The following SLC11A1 variants were observed in gnomAD, a reference collection of about 807,000 sequenced individuals.
The protein encoded by SLC11A1 is solute carrier family 11 member 1.
Under a neutral mutation model 63.2 loss-of-function variants are expected in SLC11A1, and 59 were observed. The observed-to-expected ratio is 0.93, with a 90% confidence interval of 0.76 to 1.16. The LOEUF is 1.16. Ranked by LOEUF, SLC11A1 falls within the 50% of genes most tolerant of loss-of-function variation. The pLI is 0.00. For synonymous variants in SLC11A1, 305 were observed against 307.8 expected (o/e 0.99, Z 0.09); for missense variants, 688 against 730.7 (o/e 0.94, Z 0.67).
intron 11 of SLC11A1, chr2:218,392,228 C>T (rs1696499785): frequency 4.0e-6 from 1 of 252,432 alleles, no homozygotes; most frequent in African/African-American, 2.4e-5. Flanking sequence ...CCACACCCAG[C>T]TAATTTTGTA....
In SLC11A1 at chr2:218,395,131, A is replaced by G; in HGVS notation, c.*96A>G. On this transcript the variant is annotated 3_prime_UTR_variant, in exon 15 of 15. Coordinates refer to ENST00000233202, the MANE Select transcript of SLC11A1 (RefSeq NM_000578.4). ...TGCAGGCAGCAGGATAGAGTGGGAC[A>G]GTTCCTGAGACCAGCCAACCTGGGG... 1 of 919,632 alleles carries G rather than the reference A, an allele frequency of 1.1e-6. No homozygotes were observed. Among genetic ancestry groups the G allele is most frequent in the South Asian group, 1.5e-5 (1 of 67,194 alleles). The allele number at this position is 919,632 out of a possible 1,614,324, so 57.0% of individuals were successfully genotyped here. A position where few individuals can be genotyped will look rare whatever the true frequency, so the allele number is the denominator to read the frequency against.
chr2:218,394,427 T>G (rs1292327305), intron 13 of SLC11A1: 4 of 704,000 alleles, frequency 5.7e-6, no homozygotes, highest in Non-Finnish European at 9.3e-6. Context: ...CAGACTCAGC[T>G]CTTGCCAAAT....
Position 218,383,020 on chromosome 2 carries a change from G to A in SLC11A1, c.68G>A (p.Ser23Asn), listed in dbSNP as rs1402509899. The A allele has an allele frequency of 1.2e-6, 2 of 1,613,966 alleles. No homozygotes were observed. Among genetic ancestry groups the A allele is most frequent in the Non-Finnish European group, 1.7e-6 (2 of 1,180,022 alleles). The part of the protein sequence containing the change: ...SSYGSISSPT[S>N]PTSPGPQQAP... ...TATGGTTCCATCTCCAGCCCGACCAGCCCGACCAGCCCAGGGCCACAGCAA... is the reference window on the plus strand; with the variant it reads ...TATGGTTCCATCTCCAGCCCGACCAACCCGACCAGCCCAGGGCCACAGCAA... The change falls in exon 2 of 15, where the codon AGC becomes AAC. Residue 23 changes from serine (S) to asparagine (N), a missense_variant. Physicochemically the swap from Ser to Asn is conservative, Grantham distance 46. Transcript: ENST00000233202.
At chr2:218,390,955 A>T (rs1011216089) in intron 9 of SLC11A1, among the ~76,000 whole-genome samples, 1 of 152,172 alleles carries the variant, frequency 6.6e-6, no homozygotes, top group African/African-American at 2.4e-5. Flanking sequence ...GCTGAGGCAG[A>T]TGGCTCGCTT....
intron 11 of SLC11A1, chr2:218,392,703 T>C (rs116263755): frequency 0.012 from 4,709 of 379,864 alleles, 39 homozygotes; most frequent in African/African-American, 0.023. Context: ...AAACAGATCC[T>C]GACAGATGAG....
chr2:218,390,119 T>C (rs3816560), intron 9 of SLC11A1, 91 bp downstream of exon 9: 353,147 of 1,341,436 alleles, frequency 0.26, 48,279 homozygotes, highest in Admixed American at 0.31. Context: ...AGCTGAGCCC[T>C]TCTGAGTCTC....
chr2:218,387,332 C>A, intron 6 of SLC11A1, 102 bp downstream of exon 6: 1 of 1,181,804 alleles, frequency 8.5e-7, no homozygotes, highest in South Asian at 1.4e-5. Context: ...CCTGAGCTCC[C>A]TCACTCTCCC....
In SLC11A1 at chr2:218,383,055, A is replaced by G. The variant is rs750608283; in HGVS notation, c.103A>G (p.Arg35Gly). Residue 35 changes from arginine (R) to glycine (G), a missense_variant, in exon 2 of 15, where the codon AGA becomes GGA. By Grantham distance (125) the Arg-to-Gly change is moderately radical (BLOSUM62 -2). Transcript: ENST00000233202. ...CCCAGGGCCACAGCAAGCACCTCCC[A>G]GAGAGACCTACCTGAGTGAGAAGAT... ...TSPGPQQAPP[R>G]ETYLSEKIPI... 2 of 1,614,038 alleles carry G rather than the reference A, an allele frequency of 1.2e-6. No individual in the cohort carries two copies. The highest frequency in any genetic ancestry group is 1.7e-6 in the Non-Finnish European group (2 of 1,179,968).
At chr2:218,391,705 A>C (rs1696464928) in intron 11 of SLC11A1, 10 of 520,754 alleles carry the variant, frequency 1.9e-5, no homozygotes, top group South Asian at 2.6e-5. Flanking sequence ...GCTCACTGCA[A>C]CCTCCCCCTC....
At chr2:218,383,323 A>G (rs1695905340) in intron 2 of SLC11A1, 3 of 554,928 alleles carry the variant, frequency 5.4e-6, no homozygotes, top group Non-Finnish European at 9.6e-6. Context: ...GACTTTCTCA[A>G]TGAATCTCAG....
intron 8 of SLC11A1, among the ~76,000 whole-genome samples, chr2:218,389,531 G>T (rs886166656): frequency 2.0e-5 from 3 of 152,140 alleles, no homozygotes; most frequent in African/African-American, 4.8e-5. Context: ...TCCAGTCTGG[G>T]TGACAGAACA....
chr2:218,387,758 T>G, intron 7 of SLC11A1, 42 bp from the exon 8 acceptor site: 3 of 1,611,952 alleles, frequency 1.9e-6, no homozygotes, highest in East Asian at 2.2e-5. Context: ...GCGGCGTGGT[T>G]GCGAGGGGCG....
In SLC11A1 at chr2:218,387,921, C is replaced by G; in HGVS notation, c.761C>G (p.Pro254Arg). ...AVGIVGAIIM[P>R]HNIYLHSALV... ...GGCATTGTTGGCGCCATCATCATGC[C>G]CCACAACATCTACCTGCACTCGGCC... Residue 254 changes from proline (P) to arginine (R), a missense_variant, in exon 8 of 15, where the codon CCC becomes CGC. Coordinates refer to ENST00000233202, the MANE Select transcript of SLC11A1 (RefSeq NM_000578.4). 6.2e-7 allele frequency: 1 copy of G among 1,610,826 alleles called. No homozygotes were observed. Among genetic ancestry groups the G allele is most frequent in the East Asian group, 2.2e-5 (1 of 44,762 alleles).
chr2:218,389,821 G>A (rs1047821690), intron 8 of SLC11A1, 49 bp from the exon 9 acceptor site: 18 of 1,564,074 alleles, frequency 1.2e-5, no homozygotes, highest in Admixed American at 1.8e-5. Flanking sequence ...GGGACACTGT[G>A]GTGGCTCTGA....
Position 218,387,936 on chromosome 2 carries a change from T to C in SLC11A1, c.776T>C (p.Leu259Pro), listed in dbSNP as rs762675335. Residue 259 changes from leucine (L) to proline (P), a missense_variant, in exon 8 of 15, where the codon CTG (leucine) becomes CCG (proline). Coordinates refer to ENST00000233202, the MANE Select transcript of SLC11A1 (RefSeq NM_000578.4). ...GAIIMPHNIYLHSALVKSREI... is the reference protein window; with the variant it reads ...GAIIMPHNIYPHSALVKSREI... ...ATCATCATGCCCCACAACATCTACCTGCACTCGGCCCTGGTCAAGGTGAGC... is the reference window on the plus strand; with the variant it reads ...ATCATCATGCCCCACAACATCTACCCGCACTCGGCCCTGGTCAAGGTGAGC... 2 of 1,609,964 alleles carry C rather than the reference T, an allele frequency of 1.2e-6. No individual in the cohort carries two copies. Among genetic ancestry groups the C allele is most frequent in the Non-Finnish European group, 1.7e-6 (2 of 1,178,258 alleles).
Position 218,386,634 on chromosome 2 carries a change from G to T in SLC11A1, c.394-1G>T. On this transcript the variant is annotated splice_acceptor_variant, in intron 4 of 14. Transcript: ENST00000233202. LOFTEE classifies it high-confidence loss of function. ...AATGAAGGATCATCTCCTCCCCATA[G>T]GTGCCCCGCACCGTCCTCTGGCTGA... The T allele has an allele frequency of 6.2e-7, 1 of 1,611,668 alleles. No individual in the cohort carries two copies. The highest frequency in any genetic ancestry group is 1.3e-5 in the African/African-American group (1 of 74,958).
intron 9 of SLC11A1, 37 bp from the exon 10 acceptor site, chr2:218,391,161 T>G: frequency 6.3e-7 from 1 of 1,586,918 alleles, no homozygotes; most frequent in Non-Finnish European, 8.7e-7. Context: ...CTGAGCGTGC[T>G]CCTCACATCT....
rs1020103953 is a variant in SLC11A1, at chr2:218,384,152, T to C, written c.151-91T>C. On this transcript the variant is annotated intron_variant, in intron 2 of 14. Coordinates refer to ENST00000233202, the MANE Select transcript of SLC11A1 (RefSeq NM_000578.4). This position sits in a 1 kb window ranked among gnomAD's most constrained non-coding sequence, Gnocchi z 4.0. The stretch of plus-strand genomic sequence containing the variant: ...GAGGGCAGGGCTGGGCTGATGAGCC[T>C]GTTGGGGCTCCTCTAGGGGATGGCC... 1 of 1,384,116 alleles carries C rather than the reference T, an allele frequency of 7.2e-7. No individual in the cohort carries two copies. Among genetic ancestry groups the C allele is most frequent in the African/African-American group, 1.4e-5 (1 of 69,024 alleles). 85.7% of individuals were successfully genotyped at this position (1,384,116 alleles called of 1,614,324 possible).
chr2:218,387,139 C>T (rs1696148741), intron 5 of SLC11A1, 21 bp from the exon 6 acceptor site: 1 of 1,613,002 alleles, frequency 6.2e-7, no homozygotes, highest in Non-Finnish European at 8.5e-7. Flanking sequence ...GCTGGGCTGA[C>T]CCGGGCCACT....
Sources: allele counts gnomAD v4.1 joint callset (sites outside exome capture counted in the v4.1 genomes callset), GRCh38; gene constraint gnomAD v4.1.1; non-coding constraint Gnocchi (gnomAD v3.1); transcripts MANE v1.5; gene names NCBI Gene and HGNC (gene_info 2026-07-23, HGNC 2026-07-21).